Variants in ASIC2 observed in about 807,000 individuals in gnomAD.
The protein encoded by ASIC2 is acid-sensing ion channel 2.
ASIC2 carries 25 observed loss-of-function variants against 57.3 expected under a neutral mutation model. That is an observed-to-expected ratio of 0.44 (90% CI 0.32 to 0.61). ASIC2 has a LOEUF of 0.61. Among genes scored for constraint, ASIC2 ranks in the 20% least tolerant of loss-of-function variants. ASIC2 has a pLI of 0.06. For synonymous variants in ASIC2, 319 were observed against 307.5 expected, an observed-to-expected ratio of 1.04 and a Z score of -0.39; for missense variants, 641 against 738.1, an observed-to-expected ratio of 0.87 and a Z score of 1.52.
chr17:34,124,459 T>A (rs183141393), intron 1 of ASIC2, among the ~76,000 whole-genome samples: 2 of 152,190 alleles, frequency 1.3e-5, no homozygotes, highest in Admixed American at 6.5e-5. Flanking sequence ...ACTTCCTTAT[T>A]TATGGCTCAG....
At chr17:33,308,170 G>C (rs1295405625) in intron 1 of ASIC2, among the ~76,000 whole-genome samples, 1 of 152,196 alleles carries the variant, frequency 6.6e-6, no homozygotes, top group Non-Finnish European at 1.5e-5. Flanking sequence ...AGAAAACTAA[G>C]CTAATTAAGG....
chr17:33,957,341 T>C (rs1014299156), intron 1 of ASIC2, among the ~76,000 whole-genome samples: 2 of 152,152 alleles, frequency 1.3e-5, no homozygotes, highest in Admixed American at 1.3e-4. Context: ...GAGTTGAAGG[T>C]CTCTTGAGGA....
chr17:33,068,686 G>C (rs1487452212), intron 3 of ASIC2, among the ~76,000 whole-genome samples: 1 of 152,210 alleles, frequency 6.6e-6, no homozygotes, highest in Non-Finnish European at 1.5e-5. Flanking sequence ...TACACATGGA[G>C]TCTGTGCTGT....
chr17:33,579,327 T>C (rs749055409), intron 1 of ASIC2, among the ~76,000 whole-genome samples: 80 of 150,064 alleles, frequency 5.3e-4, no homozygotes, highest in Admixed American at 9.3e-4. Flanking sequence ...ACTCAGATGT[T>C]GGCTCAGGGC....
intron 1 of ASIC2, among the ~76,000 whole-genome samples, chr17:34,076,821 C>T: frequency 6.6e-6 from 1 of 152,094 alleles, no homozygotes; most frequent in Non-Finnish European, 1.5e-5. Context: ...GTATTATAGT[C>T]AGAGAGTGAG....
intron 1 of ASIC2, among the ~76,000 whole-genome samples, chr17:33,311,331 CTG>C (rs1906406926): frequency 1.3e-5 from 2 of 152,072 alleles, no homozygotes. Flanking sequence ...ACTCCAAAGA[CTG>C]TGCTCTTTCT....
intron 1 of ASIC2, among the ~76,000 whole-genome samples, chr17:33,702,870 C>T (rs913591186): frequency 1.3e-5 from 2 of 152,086 alleles, no homozygotes; most frequent in South Asian, 2.1e-4. Flanking sequence ...GTATGCCAGG[C>T]GATGTACCAG....
In ASIC2 at chr17:33,292,699, T is replaced by A; in HGVS notation, c.-584A>T. ...GCCCCCAGAGGCGCACCGCGGCTCC[T>A]GGCTGGGCGGGCGGGGTGGGTGTGT... On this transcript the variant is annotated 5_prime_UTR_variant, in exon 1 of 10. Coordinates refer to ENST00000225823, the MANE Select transcript of ASIC2 (RefSeq NM_183377.2). 2.0e-6 allele frequency: 2 copies of A among 985,480 alleles called. No homozygotes were observed. Among genetic ancestry groups the A allele is most frequent in the Non-Finnish European group, 1.2e-6 (1 of 830,006 alleles). 61.0% of individuals were successfully genotyped at this position (985,480 alleles called of 1,614,324 possible).
intron 1 of ASIC2, among the ~76,000 whole-genome samples, chr17:33,912,227 CT>C (rs1301956709): frequency 1.3e-5 from 2 of 150,358 alleles, no homozygotes; most frequent in African/African-American, 4.9e-5. Context: ...GATGTGGTGG[CT>C]CACGCCTGTA....
intron 2 of ASIC2, among the ~76,000 whole-genome samples, chr17:33,099,036 A>G (rs372537870): frequency 1.4e-5 from 2 of 144,280 alleles, no homozygotes; most frequent in South Asian, 2.2e-4. Context: ...TCTGTTGCCC[A>G]GGCTGGAGTG....
intron 1 of ASIC2, among the ~76,000 whole-genome samples, chr17:33,242,714 C>T (rs1908551530): frequency 6.6e-6 from 1 of 152,170 alleles, no homozygotes; most frequent in Admixed American, 6.5e-5. Context: ...TAATCGCCTC[C>T]ATAAAACACC....
chr17:33,668,981 A>G (rs1179079133), intron 1 of ASIC2, among the ~76,000 whole-genome samples: 2 of 152,148 alleles, frequency 1.3e-5, no homozygotes, highest in Non-Finnish European at 2.9e-5. Context: ...TCTGAACTGC[A>G]TCTGGTCCTG....
chr17:33,193,926 T>C (rs1906527111), intron 1 of ASIC2, among the ~76,000 whole-genome samples: 1 of 152,178 alleles, frequency 6.6e-6, no homozygotes, highest in African/African-American at 2.4e-5. Context: ...CTACTGGCCA[T>C]CTCTGGGAAT....
intron 1 of ASIC2, among the ~76,000 whole-genome samples, chr17:33,731,849 T>G (rs1054483983): frequency 1.3e-5 from 2 of 152,116 alleles, no homozygotes. Context: ...AAGACAGTGT[T>G]CAGAACAGCC....
intron 1 of ASIC2, among the ~76,000 whole-genome samples, chr17:33,821,750 G>C (rs1005250788): frequency 2.0e-5 from 3 of 152,144 alleles, no homozygotes; most frequent in Admixed American, 6.5e-5. Flanking sequence ...TTCGGTAACT[G>C]TTTCACTTGT....
intron 1 of ASIC2, among the ~76,000 whole-genome samples, chr17:33,644,121 C>T (rs1379856952): frequency 1.3e-5 from 2 of 152,168 alleles, no homozygotes; most frequent in Non-Finnish European, 2.9e-5. Flanking sequence ...TCTCTTGCTT[C>T]TCGTTGTGTG....
Position 34,027,417 on chromosome 17 carries a change from TAAG to T in ASIC2, c.555+128558_555+128560del, listed in dbSNP as rs1402188777. ...ATGTCATCACGGGTCAGACTTGTGT[TAAG>T]GAGGGATGCTGCCCCCCTATAACCA... On this transcript the variant is annotated intron_variant, in intron 1 of 9. Transcript: ENST00000359872. Among the ~76,000 whole-genome samples the T allele has an allele frequency of 3.3e-5, 5 of 152,288 alleles. No homozygotes were observed. In the East Asian group the frequency reaches 9.7e-4, roughly 29 times the overall value.
chr17:33,117,391 G>C (rs963293480), intron 1 of ASIC2, among the ~76,000 whole-genome samples: 1 of 151,976 alleles, frequency 6.6e-6, no homozygotes, highest in Non-Finnish European at 1.5e-5. Flanking sequence ...GGCCAGGCTG[G>C]TCTCAAACTC....
intron 1 of ASIC2, among the ~76,000 whole-genome samples, chr17:33,215,735 T>C (rs566168285): frequency 6.6e-6 from 1 of 151,086 alleles, no homozygotes; most frequent in East Asian, 2.0e-4. Context: ...GGAGTCTCGC[T>C]GTCGCCCAGG....
Sources: gnomAD v4.1 joint callset for allele counts (sites outside exome capture counted in the v4.1 genomes callset) on GRCh38, gnomAD v4.1.1 for gene constraint, MANE v1.5 for transcripts, NCBI Gene and HGNC (gene_info 2026-07-23, HGNC 2026-07-21) for gene names.